Variants in TSPAN32 observed in about 807,000 individuals in gnomAD.
TSPAN32 encodes tetraspanin 32.
In TSPAN32, 47 loss-of-function variants were observed where a neutral mutation model predicts 42.7. The observed-to-expected ratio is 1.10, with a 90% CI of 0.87 to 1.40. TSPAN32 has a LOEUF of 1.40. TSPAN32 is among the 40% of genes most tolerant of loss of function. The pLI is 0.00. For synonymous variants in TSPAN32, 175 were observed against 175.9 expected (o/e 0.99, Z 0.04); for missense variants, 469 against 424.1 (o/e 1.11, Z -0.93).
In TSPAN32 at chr11:2,317,286, C is replaced by T. The variant is rs546824014; in HGVS notation, c.720-58C>T. 3.9e-5 allele frequency: 54 copies of T among 1,367,678 alleles called. No homozygotes were observed. In the East Asian group the frequency reaches 1.2e-3, roughly 30 times the overall value. The allele number at this position is 1,367,678 out of a possible 1,614,324, so 84.7% of individuals were successfully genotyped here. On this transcript the variant is annotated intron_variant, in intron 8 of 9. Coordinates refer to ENST00000182290, the MANE Select transcript of TSPAN32 (RefSeq NM_139022.3). The surrounding 1 kb of genome is among the most constrained non-coding windows in gnomAD (Gnocchi z 6.2). ...TCCCCTCTAGAACATTCCACAATAG[C>T]CTCACAGGTCCCCTGTAGAACATTC...
chr11:2,311,189 G>A (rs1015982946), intron 4 of TSPAN32, among the ~76,000 whole-genome samples: 13 of 152,132 alleles, frequency 8.5e-5, no homozygotes, highest in African/African-American at 3.1e-4. Flanking sequence ...GGAGGGAAGG[G>A]ACCAGCCACA....
chr11:2,317,903 T>C lies in TSPAN32; in HGVS notation c.942T>C (p.Pro314=), dbSNP rs569051610. The C allele has an allele frequency of 9.4e-6, 12 of 1,274,782 alleles. No homozygotes were observed. In the South Asian group the frequency reaches 1.4e-4, roughly 15 times the overall value. 79.0% of individuals were successfully genotyped at this position (1,274,782 alleles called of 1,614,324 possible). The change falls in exon 10 of 10, where the codon CCT becomes CCC. Residue 314 remains proline (P), a synonymous_variant. Coordinates refer to ENST00000182290, the MANE Select transcript of TSPAN32 (RefSeq NM_139022.3). The surrounding 1 kb of genome is among the most constrained non-coding windows in gnomAD (Gnocchi z 6.2). The part of the protein sequence containing the change: ...GRSRGGLSGC[P]ERGLSD ...GTCGCGGTGGGCTCAGTGGGTGCCC[T>C]GAGCGGGGTCTCTCAGACTGACGTC... is the stretch of plus-strand genomic sequence containing the variant.
At chr11:2,307,090 C>A in intron 3 of TSPAN32, 1 of 153,680 alleles carries the variant, frequency 6.5e-6, no homozygotes, top group Non-Finnish European at 1.5e-5. Flanking sequence ...CCAGGCCATC[C>A]CCCATCAGGC....
chr11:2,308,691 G>A (rs747785296), intron 3 of TSPAN32, 45 bp from the exon 4 acceptor site: 20 of 873,728 alleles, frequency 2.3e-5, no homozygotes, highest in East Asian at 6.6e-5. Flanking sequence ...CCAGCCCCCC[G>A]CAGTGACCAG....
In TSPAN32 at chr11:2,317,799, T is replaced by C; in HGVS notation, c.902-64T>C. On this transcript the variant is annotated intron_variant, in intron 9 of 9. Coordinates refer to ENST00000182290, the MANE Select transcript of TSPAN32 (RefSeq NM_139022.3). This position sits in a 1 kb window ranked among gnomAD's most constrained non-coding sequence, Gnocchi z 6.2. ...CCAGACACAAGCTGCACTGGTTTTC[T>C]ATGCTGCGTAAGAAGCAGCATGGAT... 9 of 1,596,608 alleles carry C rather than the reference T, an allele frequency of 5.6e-6. No homozygotes were observed. The highest frequency in any genetic ancestry group is 6.8e-6 in the Non-Finnish European group (8 of 1,174,850).
intron 2 of TSPAN32, chr11:2,303,422 G>A (rs1270456612): frequency 9.9e-6 from 2 of 202,708 alleles, no homozygotes; most frequent in Non-Finnish European, 1.1e-5. Context: ...ACTCAGCAGC[G>A]ACTTATCCAA....
At chr11:2,309,554 G>C in intron 4 of TSPAN32, 1 of 353,772 alleles carries the variant, frequency 2.8e-6, no homozygotes, top group Non-Finnish European at 5.8e-6. Context: ...GGACAGCCAC[G>C]GGCAGGGTCA....
At chr11:2,303,034 G>A (rs970025954) in intron 2 of TSPAN32, 76 bp downstream of exon 2, 61 of 1,339,164 alleles carry the variant, frequency 4.6e-5, no homozygotes, top group Middle Eastern at 1.8e-4. Context: ...CCAGCTGGAC[G>A]CCTCACAGCC....
At position 2,317,938 on chromosome 11, in the gene TSPAN32, T is replaced by C. The variant is rs985056920; in HGVS notation, c.*14T>C. 1.1e-6 allele frequency: 1 copy of C among 924,074 alleles called. No individual in the cohort carries two copies. Among genetic ancestry groups the C allele is most frequent in the Non-Finnish European group, 1.8e-6 (1 of 551,300 alleles). The allele number at this position is 924,074 out of a possible 1,614,324, so 57.2% of individuals were successfully genotyped here. ...CTCTCAGACTGACGTCAGGCCTTGG[T>C]GGGCTGCACTCTCACCTGGAGGCTC... is the stretch of plus-strand genomic sequence containing the variant. On this transcript the variant is annotated 3_prime_UTR_variant, in exon 10 of 10. Transcript: ENST00000182290. The surrounding 1 kb of genome is among the most constrained non-coding windows in gnomAD (Gnocchi z 6.2).
intron 5 of TSPAN32, 95 bp from the exon 6 acceptor site, chr11:2,314,390 C>T (rs879420471): frequency 2.7e-5 from 27 of 1,003,580 alleles, no homozygotes; most frequent in Non-Finnish European, 4.0e-5. Flanking sequence ...GGAACCCCAC[C>T]TGGATACTTG....
intron 3 of TSPAN32, chr11:2,306,838 AG>A (rs1848125824): frequency 2.2e-4 from 1 of 4,596 alleles, no homozygotes; most frequent in African/African-American, 3.8e-4. Context: ...GGAGAGGGGG[AG>A]GGAGAGGGAG....
chr11:2,311,765 G>A (rs536609426), intron 4 of TSPAN32, among the ~76,000 whole-genome samples: 7 of 152,318 alleles, frequency 4.6e-5, no homozygotes, highest in Admixed American at 3.9e-4. Flanking sequence ...AGCTTAGTGC[G>A]TTGATACCTG....
chr11:2,304,248 A>G lies in TSPAN32; in HGVS notation c.279+44A>G. On this transcript the variant is annotated intron_variant, in intron 3 of 9. Coordinates refer to ENST00000182290, the MANE Select transcript of TSPAN32 (RefSeq NM_139022.3). The surrounding 1 kb of genome is among the most constrained non-coding windows in gnomAD (Gnocchi z 4.8). ...CAGATGCCCAGGCCCCCAGAAAAGA[A>G]TTAGAAAGGAGTGAAGAGCTGGCAG... 1 of 1,391,900 alleles carries G rather than the reference A, an allele frequency of 7.2e-7. No homozygotes were observed. The highest frequency in any genetic ancestry group is 9.7e-7 in the Non-Finnish European group (1 of 1,033,636). 86.2% of individuals were successfully genotyped at this position (1,391,900 alleles called of 1,614,324 possible).
intron 1 of TSPAN32, among the ~76,000 whole-genome samples, chr11:2,302,454 T>C (rs922466758): frequency 6.6e-6 from 1 of 151,838 alleles, no homozygotes; most frequent in Non-Finnish European, 1.5e-5. Context: ...GAGGCCTGAG[T>C]GGGGCTGAGG....
At chr11:2,307,423 G>A (rs1384642304) in intron 3 of TSPAN32, among the ~76,000 whole-genome samples, 1 of 152,210 alleles carries the variant, frequency 6.6e-6, no homozygotes, top group Non-Finnish European at 1.5e-5. Context: ...TGAGGGGGCT[G>A]GCGTTTCACC....
chr11:2,302,333 CTGTCCTGCCCTTGCAGACATG>C (rs913426875), intron 1 of TSPAN32, 118 bp downstream of exon 1: 109 of 1,144,208 alleles, frequency 9.5e-5, no homozygotes, highest in Admixed American at 4.7e-4. Flanking sequence ...CCTACTGTCC[CTGTCCTGCCCTTGCAGACATG>C]TGTCCTGCCC....
At chr11:2,309,225 T>C (rs953379298) in intron 4 of TSPAN32, 2 of 420,344 alleles carry the variant, frequency 4.8e-6, no homozygotes, top group Non-Finnish European at 5.1e-6. Context: ...GGGCCAGCGC[T>C]CCTGATGGCC....
intron 3 of TSPAN32, among the ~76,000 whole-genome samples, chr11:2,308,049 GC>G (rs1848217607): frequency 6.6e-6 from 1 of 152,134 alleles, no homozygotes; most frequent in Non-Finnish European, 1.5e-5. Flanking sequence ...CCAGGTCCAT[GC>G]CCCTCAGGAA....
chr11:2,314,801 C>G, intron 6 of TSPAN32: 1 of 567,626 alleles, frequency 1.8e-6, no homozygotes, highest in Non-Finnish European at 3.2e-6. Context: ...GACATAAACA[C>G]AGGCCCCTTT....
Sources: allele counts gnomAD v4.1 joint callset (sites outside exome capture counted in the v4.1 genomes callset), GRCh38; gene constraint gnomAD v4.1.1; non-coding constraint Gnocchi (gnomAD v3.1); transcripts MANE v1.5; gene names NCBI Gene and HGNC (gene_info 2026-07-23, HGNC 2026-07-21).